PGM5: variants seen among roughly 807,000 people sequenced by gnomAD.
PGM5 encodes the protein phosphoglucomutase 5, also known as phosphoglucomutase-like protein 5.
PGM5 carries 23 observed loss-of-function variants against 59.2 expected under a neutral mutation model. That is an observed-to-expected ratio of 0.39 (90% confidence interval 0.28 to 0.55). The LOEUF is 0.55. PGM5 is among the 20% of genes least tolerant of loss of function. PGM5 has a pLI of 0.66. For synonymous variants in PGM5, 214 were observed against 286.0 expected (o/e 0.75, Z 2.54); for missense variants, 574 against 748.3 (o/e 0.77, Z 2.72).
intron 1 of PGM5, chr9:68,371,575 T>C (rs1314352374): frequency 6.6e-6 from 1 of 152,176 alleles, no homozygotes; most frequent in African/African-American, 2.4e-5. Context: ...TGATCTTCGG[T>C]GGATTTTAAC....
intron 10 of PGM5, among the ~76,000 whole-genome samples, chr9:68,501,071 T>G (rs1364484739): frequency 1.3e-5 from 2 of 152,150 alleles, no homozygotes. Context: ...TTGGTCCCCA[T>G]GACTGCACAT....
In PGM5 at chr9:68,428,952, T is replaced by A. The variant is rs531483709; in HGVS notation, c.1044-36141T>A. 4.6e-5 allele frequency: 7 copies of A among 152,284 alleles called. No homozygotes were observed. The South Asian group carries it at 1.4e-3, about 32-fold the overall frequency. 9.4% of individuals were successfully genotyped at this position (152,284 alleles called of 1,614,324 possible). A position where few individuals can be genotyped will look rare whatever the true frequency, so the allele number is the denominator to read the frequency against. On this transcript the variant is annotated intron_variant, in intron 6 of 10. Transcript: ENST00000396396. ...GTACTGGATTCAAACATCAACTCTG[T>A]TACTTACTAGTTGGGTGAGCCTGGA...
chr9:68,472,933 C>A (rs1768783466), intron 7 of PGM5, among the ~76,000 whole-genome samples: 1 of 152,208 alleles, frequency 6.6e-6, no homozygotes, highest in African/African-American at 2.4e-5. Context: ...GACTTACATG[C>A]AGGAGAGCTT....
At chr9:68,435,354 C>A (rs1437585592) in intron 6 of PGM5, among the ~76,000 whole-genome samples, 1 of 152,176 alleles carries the variant, frequency 6.6e-6, no homozygotes, top group Non-Finnish European at 1.5e-5. Flanking sequence ...CAACCATCAT[C>A]ATAATGGTTG....
At chr9:68,510,770 A>G (rs1824736574) in intron 10 of PGM5, among the ~76,000 whole-genome samples, 1 of 152,206 alleles carries the variant, frequency 6.6e-6, no homozygotes, top group Admixed American at 6.5e-5. Flanking sequence ...CATTTTAGGA[A>G]GATAAAAGTT....
At chr9:68,384,164 C>A (rs1822154719) in intron 2 of PGM5, among the ~76,000 whole-genome samples, 1 of 151,990 alleles carries the variant, frequency 6.6e-6, no homozygotes, top group Non-Finnish European at 1.5e-5. Context: ...TTAAAACAAA[C>A]AAACAAACAT....
At chr9:68,491,108 T>C (rs1418851359) in intron 9 of PGM5, among the ~76,000 whole-genome samples, 1 of 152,250 alleles carries the variant, frequency 6.6e-6, no homozygotes, top group Admixed American at 6.5e-5. Context: ...TAGACGCCAG[T>C]CAGCTCATTA....
At chr9:68,409,858 TA>T (rs1554681468) in intron 6 of PGM5, among the ~76,000 whole-genome samples, 1 of 130,858 alleles carries the variant, frequency 7.6e-6, no homozygotes, top group Non-Finnish European at 1.6e-5. Context: ...ATATGTACCC[TA>T]AAACTTAAAG....
chr9:68,379,728 AG>A (rs1428933492), intron 2 of PGM5, among the ~76,000 whole-genome samples: 1 of 152,112 alleles, frequency 6.6e-6, no homozygotes, highest in Non-Finnish European at 1.5e-5. Context: ...CTTTAAGAAT[AG>A]GCATATATTG....
intron 7 of PGM5, among the ~76,000 whole-genome samples, chr9:68,477,329 T>C (rs1824123839): frequency 6.9e-6 from 1 of 143,974 alleles, no homozygotes; most frequent in South Asian, 2.1e-4. Flanking sequence ...GTTTTCCTTA[T>C]TGAGAAAAAA....
intron 7 of PGM5, among the ~76,000 whole-genome samples, chr9:68,470,045 A>G (rs1024244871): frequency 1.3e-5 from 2 of 152,222 alleles, no homozygotes; most frequent in African/African-American, 4.8e-5. Context: ...AGAATTATAT[A>G]AAATATAATC....
Position 68,376,811 on chromosome 9 carries a change from T to TTC in PGM5, c.262-1386_262-1385dup, listed in dbSNP as rs1378126991. ...TTTCTTTCTTTCTTTCTTTCTTTCT[T>TTC]TCTTTCTTTCTTTCTTTCTTTCTCT... On this transcript the variant is annotated intron_variant, in intron 1 of 10. Transcript: ENST00000396396. Among the ~76,000 whole-genome samples the TTC allele has an allele frequency of 2.8e-4, 31 of 111,896 alleles. 1 individual carries two copies. The highest frequency in any genetic ancestry group is 6.6e-4 in the African/African-American group (18 of 27,130). 73.4% of individuals were successfully genotyped at this position (111,896 alleles called of 152,430 possible). A position where few individuals can be genotyped will look rare whatever the true frequency, so the allele number is the denominator to read the frequency against.
Position 68,391,628 on chromosome 9 carries a change from G to A in PGM5, c.792G>A (p.Gly264=), listed in dbSNP as rs1554679474. Residue 264 remains glycine, a synonymous_variant, in exon 5 of 11, where the codon GGG becomes GGA. Transcript: ENST00000396396. The part of the protein sequence containing the change: ...INCVPLEDFG[G]QHPDPNLTYA... Reference sequence around the variant, plus strand: ...GTGTTCCCCTGGAAGACTTTGGAGGGCAGCACCCTGACCCAAACCTGACAT... The same window carrying A: ...GTGTTCCCCTGGAAGACTTTGGAGGACAGCACCCTGACCCAAACCTGACAT... 1.2e-6 allele frequency: 2 copies of A among 1,613,208 alleles called. No individual in the cohort carries two copies. Among genetic ancestry groups the A allele is most frequent in the African/African-American group, 1.3e-5 (1 of 74,862 alleles).
chr9:68,479,158 T>C (rs1260524107), intron 7 of PGM5, among the ~76,000 whole-genome samples: 5 of 152,284 alleles, frequency 3.3e-5, no homozygotes, highest in African/African-American at 9.6e-5. Flanking sequence ...AATAATCTCA[T>C]TGGGCTAATG....
chr9:68,446,363 C>T (rs1441212308), intron 6 of PGM5, among the ~76,000 whole-genome samples: 2 of 152,204 alleles, frequency 1.3e-5, no homozygotes, highest in African/African-American at 4.8e-5. Flanking sequence ...TTTCATACAC[C>T]CTCTTGTCTT....
chr9:68,379,886 A>ATG (rs1554678175), intron 2 of PGM5, among the ~76,000 whole-genome samples: 1 of 152,066 alleles, frequency 6.6e-6, no homozygotes, highest in Admixed American at 6.6e-5. Context: ...TAAAGAGGTC[A>ATG]TCTTATCAAG....
intron 7 of PGM5, among the ~76,000 whole-genome samples, chr9:68,468,451 A>G (rs1339686705): frequency 6.6e-6 from 1 of 152,198 alleles, no homozygotes; most frequent in Non-Finnish European, 1.5e-5. Flanking sequence ...ACAATATATT[A>G]TAGACTTTTA....
At chr9:68,438,873 TG>T (rs1439770829) in intron 6 of PGM5, among the ~76,000 whole-genome samples, 5 of 152,158 alleles carry the variant, frequency 3.3e-5, no homozygotes, top group Non-Finnish European at 7.4e-5. Context: ...TTTTTCATTT[TG>T]TTTTTTTCCC....
intron 6 of PGM5, among the ~76,000 whole-genome samples, chr9:68,452,721 C>T (rs1320104496): frequency 3.9e-5 from 6 of 152,322 alleles, no homozygotes; most frequent in Non-Finnish European, 8.8e-5. Context: ...ACTAGCCATG[C>T]CTTCAGCTGT....
Sources: gnomAD v4.1 joint callset for allele counts (sites outside exome capture counted in the v4.1 genomes callset) on GRCh38, gnomAD v4.1.1 for gene constraint, MANE v1.5 for transcripts, NCBI Gene and HGNC (gene_info 2026-07-23, HGNC 2026-07-21) for gene names.